Variants in CSMD2 observed in about 807,000 individuals in gnomAD.
The protein encoded by CSMD2 is CUB and Sushi multiple domains 2.
A neutral mutation model predicts 398.5 loss-of-function variants in CSMD2; 130 were observed. That is an observed-to-expected ratio of 0.33 (90% CI 0.28 to 0.38). The LOEUF (loss-of-function observed/expected upper bound fraction) is 0.38. CSMD2 is among the 10% of genes least tolerant of loss of function. The probability of loss-of-function intolerance (pLI) is 1.00; values close to 1 mark genes in which losing one functional copy is unlikely to be tolerated. For synonymous variants in CSMD2, 1,828 were observed against 1,908.5 expected, an observed-to-expected ratio of 0.96 and a Z score of 1.10; for missense variants, 3,829 against 4,764.9, an observed-to-expected ratio of 0.80 and a Z score of 5.78.
intron 14 of CSMD2, among the ~76,000 whole-genome samples, chr1:33,740,231 T>C (rs573250735): frequency 3.3e-4 from 50 of 152,276 alleles, no homozygotes; most frequent in African/African-American, 1.2e-3. Context: ...CTACCAAGCA[T>C]GTTCCCTGCC....
chr1:34,017,762 A>C (rs1220055932), intron 3 of CSMD2, among the ~76,000 whole-genome samples: 1 of 152,206 alleles, frequency 6.6e-6, no homozygotes, highest in Non-Finnish European at 1.5e-5. Flanking sequence ...AAAACAAAAC[A>C]AAACACCTTG....
Position 33,635,235 on chromosome 1 carries a change from C to G in CSMD2, c.5065G>C (p.Val1689Leu), listed in dbSNP as rs1642727247. 1.2e-6 allele frequency: 2 copies of G among 1,612,678 alleles called. No homozygotes were observed. Among genetic ancestry groups the G allele is most frequent in the Non-Finnish European group, 1.7e-6 (2 of 1,178,796 alleles). The change falls in exon 31 of 71, where the codon GTT becomes CTT. Residue 1689 changes from valine to leucine, a missense_variant. Physicochemically the swap from Val to Leu is conservative, Grantham distance 32. Coordinates refer to ENST00000373381, the MANE Select transcript of CSMD2 (RefSeq NM_001281956.2). The surrounding 1 kb of genome is among the most constrained non-coding windows in gnomAD (Gnocchi z 5.0). ...ATACCATAGTCCTTGGGCACAGTAA[C>G]AAAATACAAGCAGATCTGTCCACTG... ...YTSGQICLYFVTVPKDYVVFG... is the reference protein window; with the variant it reads ...YTSGQICLYFLTVPKDYVVFG...
chr1:34,071,610 A>G (rs1335793662), intron 2 of CSMD2, among the ~76,000 whole-genome samples: 1 of 152,104 alleles, frequency 6.6e-6, no homozygotes, highest in Admixed American at 6.5e-5. Flanking sequence ...TCTACCTTCC[A>G]CTAAGTCATA....
Position 33,825,702 on chromosome 1 carries a change from G to T in CSMD2, c.1106C>A (p.Ser369Tyr), listed in dbSNP as rs370347328. 3.1e-6 allele frequency: 5 copies of T among 1,609,910 alleles called. No individual in the cohort carries two copies. In the African/African-American group the frequency reaches 6.7e-5, roughly 21 times the overall value. ...GCTGGCGGGCGGACACTTACACACA[G>T]ACGTCTTCTGGCTGTTGTCTTTGCT... ...MPSKDNSQKT[S>Y]VLTQVGVSQG... is the part of the protein sequence containing the mutation. Residue 369 changes from serine to tyrosine, a missense_variant, in exon 7 of 71, where the codon TCT becomes TAT. Ser to Tyr is a moderately radical substitution (Grantham distance 144). This residue lies in a region of CSMD2 where 2,001 missense variants were observed against 2,567.1 expected (regional missense o/e 0.78). Coordinates refer to ENST00000373381, the MANE Select transcript of CSMD2 (RefSeq NM_001281956.2).
At chr1:33,875,668 C>A (rs1640788554) in intron 5 of CSMD2, 1 of 152,072 alleles carries the variant, frequency 6.6e-6, no homozygotes, top group Admixed American at 6.5e-5. Context: ...AGAGCTTTGC[C>A]CTGGATTGGA....
intron 2 of CSMD2, among the ~76,000 whole-genome samples, chr1:34,052,168 T>TAC (rs35006153): frequency 0.43 from 63,614 of 146,800 alleles, 14,023 homozygotes; most frequent in African/African-American, 0.55. Context: ...AGCATATGTA[T>TAC]ACACACACAC....
intron 1 of CSMD2, among the ~76,000 whole-genome samples, chr1:34,090,586 A>T (rs1019116152): frequency 2.7e-5 from 4 of 149,292 alleles, no homozygotes; most frequent in African/African-American, 1.0e-4. Flanking sequence ...CCATCTCTTT[A>T]TCTAAGTAAG....
intron 3 of CSMD2, among the ~76,000 whole-genome samples, chr1:33,946,227 G>A (rs1400096753): frequency 6.6e-6 from 1 of 152,160 alleles, no homozygotes; most frequent in Non-Finnish European, 1.5e-5. Context: ...TTTACTCTCA[G>A]TAATGCCTAA....
chr1:33,680,377 T>C (rs1644867062), intron 25 of CSMD2, among the ~76,000 whole-genome samples: 1 of 152,138 alleles, frequency 6.6e-6, no homozygotes, highest in South Asian at 2.1e-4. Flanking sequence ...CGGCTCCTGC[T>C]TTCCCTGCCA....
chr1:33,535,541 CA>C (rs1655686383), intron 62 of CSMD2, among the ~76,000 whole-genome samples: 1 of 152,188 alleles, frequency 6.6e-6, no homozygotes, highest in Admixed American at 6.5e-5. Context: ...ACTATACCCA[CA>C]AATTTCCTGT....
chr1:34,021,583 G>T (rs1648894026), intron 3 of CSMD2, among the ~76,000 whole-genome samples: 1 of 152,198 alleles, frequency 6.6e-6, no homozygotes, highest in South Asian at 2.1e-4. Flanking sequence ...ATGGGAGGCA[G>T]GGTCAAGCCT....
intron 3 of CSMD2, among the ~76,000 whole-genome samples, chr1:33,954,959 G>A (rs1645118719): frequency 1.3e-5 from 2 of 152,154 alleles, no homozygotes; most frequent in South Asian, 4.2e-4. Flanking sequence ...AAATGGTTAA[G>A]ATAATGAGTG....
At chr1:34,045,954 C>T (rs567804688) in intron 2 of CSMD2, among the ~76,000 whole-genome samples, 1 of 152,260 alleles carries the variant, frequency 6.6e-6, no homozygotes, top group East Asian at 1.9e-4. Flanking sequence ...GGTTCCCAAA[C>T]GGTGCACCAA....
chr1:33,666,845 G>A (rs537690372), intron 25 of CSMD2, among the ~76,000 whole-genome samples: 2 of 152,288 alleles, frequency 1.3e-5, no homozygotes, highest in South Asian at 2.1e-4. Flanking sequence ...GAGACCGAGT[G>A]CCAGCCGTGT....
intron 5 of CSMD2, among the ~76,000 whole-genome samples, chr1:33,868,548 C>G (rs1331286001): frequency 6.6e-6 from 1 of 152,068 alleles, no homozygotes; most frequent in Non-Finnish European, 1.5e-5. Context: ...CCAGCCTGAT[C>G]AACATGGTGA....
At chr1:34,064,394 A>G (rs1161406427) in intron 2 of CSMD2, among the ~76,000 whole-genome samples, 9 of 152,146 alleles carry the variant, frequency 5.9e-5, no homozygotes, top group Admixed American at 2.0e-4. Context: ...CTTCTGCCAG[A>G]TACCCTAAAT....
chr1:33,822,637 G>C (rs1480374852), intron 7 of CSMD2, among the ~76,000 whole-genome samples: 2 of 152,134 alleles, frequency 1.3e-5, no homozygotes, highest in East Asian at 3.9e-4. Context: ...AGACACCTCA[G>C]GCTGGGAAAG....
chr1:33,724,952 G>A (rs1388901683), intron 17 of CSMD2, among the ~76,000 whole-genome samples: 1 of 152,224 alleles, frequency 6.6e-6, no homozygotes, highest in Non-Finnish European at 1.5e-5. Context: ...GGTCTACAGA[G>A]AACTGAAGTG....
At chr1:33,644,781 A>G (rs1643320366) in intron 29 of CSMD2, among the ~76,000 whole-genome samples, 1 of 152,128 alleles carries the variant, frequency 6.6e-6, no homozygotes, top group Non-Finnish European at 1.5e-5. Flanking sequence ...GTTTGTTAGA[A>G]TTCCAAAGTG....
Sources: allele counts gnomAD v4.1 joint callset (sites outside exome capture counted in the v4.1 genomes callset), GRCh38; gene constraint gnomAD v4.1.1; regional missense constraint gnomAD v4.1.1; non-coding constraint Gnocchi (gnomAD v3.1); transcripts MANE v1.5; gene names NCBI Gene and HGNC (gene_info 2026-07-23, HGNC 2026-07-21).